Variants in TMEM51 observed in about 807,000 individuals in gnomAD.
TMEM51 encodes the protein transmembrane protein 51.
In TMEM51, 8 loss-of-function variants were observed where a neutral mutation model predicts 13.6. That is an observed-to-expected ratio of 0.59 (90% CI 0.35 to 1.07). The LOEUF is 1.07. Among genes scored for constraint, TMEM51 ranks in the 50% least tolerant of loss-of-function variants. The pLI is 0.02. For synonymous variants in TMEM51, 147 were observed against 144.4 expected, an observed-to-expected ratio of 1.02 and a Z score of -0.13; for missense variants, 279 against 330.7, an observed-to-expected ratio of 0.84 and a Z score of 1.21.
At chr1:15,212,852 CAT>C (rs951232078) in intron 2 of TMEM51, among the ~76,000 whole-genome samples, 1 of 152,248 alleles carries the variant, frequency 6.6e-6, no homozygotes, top group African/African-American at 2.4e-5. Flanking sequence ...CACGCATGCA[CAT>C]GTGCTCATGT....
intron 1 of TMEM51, among the ~76,000 whole-genome samples, chr1:15,180,902 G>T (rs183178809): frequency 6.6e-5 from 10 of 152,328 alleles, no homozygotes; most frequent in Non-Finnish European, 1.5e-4. Flanking sequence ...GAGGAGCTGG[G>T]ATTGAAACTT....
At chr1:15,162,135 A>G (rs565302139) in intron 1 of TMEM51, among the ~76,000 whole-genome samples, 1 of 151,952 alleles carries the variant, frequency 6.6e-6, no homozygotes, top group Admixed American at 6.6e-5. Flanking sequence ...CCAAACACCC[A>G]CTAGGCCCCA....
intron 1 of TMEM51, among the ~76,000 whole-genome samples, chr1:15,202,432 A>C (rs958813735): frequency 3.3e-5 from 5 of 152,186 alleles, no homozygotes; most frequent in African/African-American, 1.2e-4. Context: ...TTGTCTTGCA[A>C]TAAATGTGTT....
At chr1:15,172,374 T>G (rs1573390812) in intron 1 of TMEM51, among the ~76,000 whole-genome samples, 1 of 103,242 alleles carries the variant, frequency 9.7e-6, no homozygotes, top group Non-Finnish European at 1.8e-5. Flanking sequence ...ACAGAGTGAG[T>G]GAGACCCTGT....
intron 1 of TMEM51, among the ~76,000 whole-genome samples, chr1:15,182,177 T>G (rs1257729969): frequency 9.9e-6 from 1 of 101,254 alleles, no homozygotes; most frequent in African/African-American, 5.4e-5. Context: ...AATAAATAAA[T>G]AAATAAATAA....
chr1:15,220,303 G>T lies in TMEM51; in HGVS notation c.*560G>T, dbSNP rs986626030. 6.5e-6 allele frequency: 1 copy of T among 152,922 alleles called. No homozygotes were observed. Among genetic ancestry groups the T allele is most frequent in the African/African-American group, 2.4e-5 (1 of 41,186 alleles). 9.5% of individuals were successfully genotyped at this position (152,922 alleles called of 1,614,324 possible). ...TGCTGTTGTTCTTTGAGGGCTTAAG[G>T]CCTGATGAACGTAGGCACGTGATGC... On this transcript the variant is annotated 3_prime_UTR_variant, in exon 4 of 4. Transcript: ENST00000376008.
intron 1 of TMEM51, among the ~76,000 whole-genome samples, chr1:15,196,141 A>G (rs1029721134): frequency 6.6e-6 from 1 of 152,114 alleles, no homozygotes; most frequent in Admixed American, 6.6e-5. Context: ...TCCCCCACCC[A>G]GAGACACCCA....
At chr1:15,153,556 C>A (rs1219132373), upstream of TMEM51, among the ~76,000 whole-genome samples, 1 of 152,152 alleles carries the variant, frequency 6.6e-6, no homozygotes, top group Non-Finnish European at 1.5e-5. Context: ...CAGCGCGCTC[C>A]AGCGGCATAC....
chr1:15,215,005 T>G lies in TMEM51; in HGVS notation c.-83T>G. 3.9e-6 allele frequency: 5 copies of G among 1,284,634 alleles called. No homozygotes were observed. The highest frequency in any genetic ancestry group is 5.4e-6 in the Non-Finnish European group (5 of 929,562). The allele number at this position is 1,284,634 out of a possible 1,614,324, so 79.6% of individuals were successfully genotyped here. On this transcript the variant is annotated 5_prime_UTR_variant, in exon 3 of 4. Transcript: ENST00000376008. ...GGGGCGAGAGATTTTGTGGAGCGCA[T>G]TTAAGGGGTTTTTGTTGTGACTGCT...
intron 1 of TMEM51, among the ~76,000 whole-genome samples, chr1:15,180,049 C>T (rs1453985095): frequency 6.6e-6 from 1 of 152,216 alleles, no homozygotes; most frequent in Non-Finnish European, 1.5e-5. Context: ...GCCTCCGCCC[C>T]AGCCCTGGCA....
At chr1:15,178,096 A>G (rs974414214) in intron 1 of TMEM51, among the ~76,000 whole-genome samples, 1 of 152,210 alleles carries the variant, frequency 6.6e-6, no homozygotes, top group Non-Finnish European at 1.5e-5. Context: ...TTGCACAGGC[A>G]TTTAGCACTT....
chr1:15,214,963 C>A lies in TMEM51; in HGVS notation c.-125C>A. 1.1e-6 allele frequency: 1 copy of A among 940,188 alleles called. No individual in the cohort carries two copies. Among genetic ancestry groups the A allele is most frequent in the East Asian group, 2.6e-5 (1 of 38,188 alleles). 58.2% of individuals were successfully genotyped at this position (940,188 alleles called of 1,614,324 possible). ...TCGGAACCATCCCGCAGGAGTTCAG[C>A]TGATATTTTCTAGTGTGGGGCGAGA... is the stretch of plus-strand genomic sequence containing the variant. On this transcript the variant is annotated 5_prime_UTR_variant, in exon 3 of 4. The change creates a new upstream start codon in the 5' untranslated region. Coordinates refer to ENST00000376008, the MANE Select transcript of TMEM51 (RefSeq NM_001136218.2).
chr1:15,162,987 GGA>G (rs1428897466), intron 1 of TMEM51, among the ~76,000 whole-genome samples: 10 of 106,196 alleles, frequency 9.4e-5, no homozygotes, highest in African/African-American at 4.1e-4. Flanking sequence ...AACTGTTCAT[GGA>G]AAAATGGTTA....
At chr1:15,195,293 C>G (rs553612440) in intron 1 of TMEM51, among the ~76,000 whole-genome samples, 1 of 152,210 alleles carries the variant, frequency 6.6e-6, no homozygotes, top group South Asian at 2.1e-4. Context: ...GACAAAGAAA[C>G]AGGAAAATTA....
At chr1:15,159,708 C>T (rs1642709660) in intron 1 of TMEM51, among the ~76,000 whole-genome samples, 1 of 152,230 alleles carries the variant, frequency 6.6e-6, no homozygotes, top group African/African-American at 2.4e-5. Flanking sequence ...AGGCATGCGC[C>T]ACCACACCCA....
chr1:15,192,643 AG>A (rs1643954557), intron 1 of TMEM51: 1 of 170,154 alleles, frequency 5.9e-6, no homozygotes, highest in South Asian at 1.3e-4. Flanking sequence ...TAGTAGAGAC[AG>A]GTTTCACCAT....
intron 1 of TMEM51, among the ~76,000 whole-genome samples, chr1:15,166,389 GAAGCC>G (rs942255248): frequency 3.7e-4 from 57 of 152,256 alleles, no homozygotes; most frequent in African/African-American, 1.3e-3. Context: ...GAGCATGGTG[GAAGCC>G]ACAGCAGCCG....
chr1:15,162,324 A>G (rs1027252971), intron 1 of TMEM51, among the ~76,000 whole-genome samples: 7 of 151,920 alleles, frequency 4.6e-5, no homozygotes, highest in Non-Finnish European at 1.0e-4. Flanking sequence ...CACCATGTCC[A>G]GCTAATTTTT....
At chr1:15,191,165 T>A (rs2312331) in intron 1 of TMEM51, among the ~76,000 whole-genome samples, 1 of 151,372 alleles carries the variant, frequency 6.6e-6, no homozygotes, top group Non-Finnish European at 1.5e-5. Context: ...AGAAGCTGGA[T>A]GCATATGCTT....
Sources: gnomAD v4.1 joint callset for allele counts (sites outside exome capture counted in the v4.1 genomes callset) on GRCh38, gnomAD v4.1.1 for gene constraint, MANE v1.5 for transcripts, NCBI Gene and HGNC (gene_info 2026-07-23, HGNC 2026-07-21) for gene names.